The following GPC6 variants were observed in gnomAD, a reference collection of about 807,000 sequenced individuals.
GPC6 encodes the protein glypican-6.
GPC6 carries 14 observed loss-of-function variants against 55.2 expected under a neutral mutation model. The observed-to-expected ratio is 0.25, with a 90% confidence interval of 0.17 to 0.40. The LOEUF (loss-of-function observed/expected upper bound fraction) is 0.40. Ranked by LOEUF, GPC6 falls within the 10% of genes least tolerant of loss-of-function variation. The pLI is 1.00. For missense variants in GPC6, 641 were observed against 708.5 expected (o/e 0.90, Z 1.08); for synonymous variants, 278 against 259.6 (o/e 1.07, Z -0.68).
intron 1 of GPC6, among the ~76,000 whole-genome samples, chr13:93,302,677 T>TGAA (rs1566288274): frequency 2.4e-4 from 37 of 152,224 alleles, no homozygotes; most frequent in Admixed American, 6.5e-5. Flanking sequence ...GAATCCACTT[T>TGAA]TCAGTGTAGG....
intron 2 of GPC6, among the ~76,000 whole-genome samples, chr13:93,811,912 A>T (rs940064757): frequency 6.6e-6 from 1 of 152,162 alleles, no homozygotes; most frequent in Non-Finnish European, 1.5e-5. Flanking sequence ...CCTACCCTGC[A>T]GCCACACTTA....
chr13:94,126,702 T>C (rs1886831065), intron 4 of GPC6, among the ~76,000 whole-genome samples: 1 of 151,180 alleles, frequency 6.6e-6, no homozygotes, highest in Admixed American at 6.6e-5. Flanking sequence ...TCAAATATTA[T>C]TACCTGTTTG....
At chr13:93,705,170 G>A (rs1204692527) in intron 2 of GPC6, among the ~76,000 whole-genome samples, 1 of 151,856 alleles carries the variant, frequency 6.6e-6, no homozygotes, top group Non-Finnish European at 1.5e-5. Context: ...TTCTATATCT[G>A]CTTTTGAAGT....
intron 4 of GPC6, among the ~76,000 whole-genome samples, chr13:94,171,273 G>T (rs578086940): frequency 6.6e-6 from 1 of 152,124 alleles, no homozygotes; most frequent in Non-Finnish European, 1.5e-5. Flanking sequence ...ACCCTTACAC[G>T]CAAGACCATT....
chr13:93,334,128 A>T (rs1157174354), intron 1 of GPC6, among the ~76,000 whole-genome samples: 1 of 152,066 alleles, frequency 6.6e-6, no homozygotes, highest in Non-Finnish European at 1.5e-5. Flanking sequence ...CTCTTTATTG[A>T]TTAGTCCATC....
intron 3 of GPC6, among the ~76,000 whole-genome samples, chr13:93,915,718 A>G (rs1247578234): frequency 6.6e-6 from 1 of 151,966 alleles, no homozygotes; most frequent in Admixed American, 6.6e-5. Context: ...TCTCAGAACC[A>G]CCTCTTTGAC....
intron 3 of GPC6, among the ~76,000 whole-genome samples, chr13:93,904,943 C>T (rs917608956): frequency 7.5e-6 from 1 of 133,242 alleles, no homozygotes; most frequent in African/African-American, 2.9e-5. Context: ...CACCCCACAA[C>T]AGTCCCCAGA....
Position 94,092,536 on chromosome 13 carries a change from A to T in GPC6, c.877+64642A>T, listed in dbSNP as rs140962615. 1.1e-3 allele frequency among the ~76,000 whole-genome samples: 162 copies of T among 152,186 alleles called. 1 individual carries two copies. Among genetic ancestry groups the T allele is most frequent in the Middle Eastern group, 3.4e-3 (1 of 294 alleles). On this transcript the variant is annotated intron_variant, in intron 4 of 8. Transcript: ENST00000377047. ...ATTTTCTTTATCCGTTCATCTGTTG[A>T]TGGATACTTAGATTGATTCCGTCTC...
chr13:93,880,592 A>T (rs1220053831), intron 3 of GPC6, among the ~76,000 whole-genome samples: 2 of 152,106 alleles, frequency 1.3e-5, no homozygotes, highest in Non-Finnish European at 2.9e-5. Flanking sequence ...TAGGGATAGT[A>T]TTGGGAGATA....
At chr13:93,525,012 G>A (rs1162986943) in intron 1 of GPC6, among the ~76,000 whole-genome samples, 1 of 152,156 alleles carries the variant, frequency 6.6e-6, no homozygotes, top group East Asian at 1.9e-4. Flanking sequence ...AGTAAAATCC[G>A]TATTTGGTCG....
Position 93,285,640 on chromosome 13 carries a change from G to GTGTGTA in GPC6, c.160+58029_160+58030insATGTGT, listed in dbSNP as rs762145234. On this transcript the variant is annotated intron_variant, in intron 1 of 8. Coordinates refer to ENST00000377047, the MANE Select transcript of GPC6 (RefSeq NM_005708.5). The stretch of plus-strand genomic sequence containing the variant: ...GCTGTGTGTGTGTGTGTGTGTGTGT[G>GTGTGTA]TGTGTGTGTGTGTGTGTGTGTGTAT... Among the ~76,000 whole-genome samples the GTGTGTA allele has an allele frequency of 4.7e-3, 713 of 151,304 alleles. 9 individuals carry two copies. The highest frequency in any genetic ancestry group is 0.016 in the African/African-American group (643 of 41,092).
At chr13:94,311,623 A>G (rs1277814644) in intron 6 of GPC6, among the ~76,000 whole-genome samples, 2 of 152,238 alleles carry the variant, frequency 1.3e-5, no homozygotes, top group Non-Finnish European at 2.9e-5. Flanking sequence ...GTGATAACAC[A>G]ATGTCTAAAA....
intron 3 of GPC6, among the ~76,000 whole-genome samples, chr13:93,865,383 A>G (rs757304442): frequency 2.6e-5 from 4 of 151,752 alleles, no homozygotes; most frequent in Non-Finnish European, 5.9e-5. Context: ...CAGGCCCAAC[A>G]TGCCAATAAT....
chr13:93,706,171 G>A (rs946017431), intron 2 of GPC6, among the ~76,000 whole-genome samples: 35 of 151,942 alleles, frequency 2.3e-4, no homozygotes, highest in Non-Finnish European at 4.3e-4. Context: ...ATTGGAAATT[G>A]TAGGAAATGT....
chr13:93,302,490 T>C (rs1200727085), intron 1 of GPC6, among the ~76,000 whole-genome samples: 1 of 152,222 alleles, frequency 6.6e-6, no homozygotes, highest in Non-Finnish European at 1.5e-5. Flanking sequence ...ATTTAAATAA[T>C]GAAATGTTGG....
At chr13:93,839,655 A>G (rs1259688971) in intron 3 of GPC6, among the ~76,000 whole-genome samples, 2 of 152,120 alleles carry the variant, frequency 1.3e-5, no homozygotes, top group Non-Finnish European at 2.9e-5. Context: ...ATGTGATACC[A>G]TGGGCCCAAC....
intron 4 of GPC6, among the ~76,000 whole-genome samples, chr13:94,278,499 T>G (rs955658406): frequency 3.3e-5 from 5 of 152,210 alleles, no homozygotes; most frequent in African/African-American, 1.2e-4. Context: ...AGAGAGGGCA[T>G]CCTTGTCTTG....
At chr13:93,633,650 A>ATAAG (rs1413809869) in intron 2 of GPC6, among the ~76,000 whole-genome samples, 2 of 102,252 alleles carry the variant, frequency 2.0e-5, no homozygotes, top group African/African-American at 5.7e-5. Context: ...AAATAAATAA[A>ATAAG]TAAATAAATA....
At chr13:94,073,784 A>G (rs1349196791) in intron 4 of GPC6, among the ~76,000 whole-genome samples, 1 of 152,220 alleles carries the variant, frequency 6.6e-6, no homozygotes, top group Non-Finnish European at 1.5e-5. Flanking sequence ...TTAAAACAAT[A>G]GTAATAATAA....
Sources: gnomAD v4.1 joint callset for allele counts (sites outside exome capture counted in the v4.1 genomes callset) on GRCh38, gnomAD v4.1.1 for gene constraint, MANE v1.5 for transcripts, NCBI Gene and HGNC (gene_info 2026-07-23, HGNC 2026-07-21) for gene names.